The following XKR9 variants were observed in gnomAD, a reference collection of about 807,000 sequenced individuals.
XKR9 encodes the protein XK related 9.
Under a neutral mutation model 32.0 loss-of-function variants are expected in XKR9, and 32 were observed. The observed-to-expected ratio is 1.00, with a 90% CI of 0.76 to 1.34. The LOEUF is 1.34. Ranked by LOEUF, XKR9 falls within the 40% of genes most tolerant of loss-of-function variation. XKR9 has a pLI of 0.00. For synonymous variants in XKR9, 168 were observed against 143.4 expected (o/e 1.17, Z -1.22); for missense variants, 546 against 429.7 (o/e 1.27, Z -2.39).
At position 70,687,312 on chromosome 8, in the gene XKR9, C is replaced by CTCCTTCTT. The variant is rs751381873; in HGVS notation, c.272+5984_272+5985insCTTCTTTC. ...ATGACAGGATTTCTTTCTCTCCTCC[C>CTCCTTCTT]TCTTTCTTTCTTTCTTTCTTTCTTT... is the stretch of plus-strand genomic sequence containing the variant. On this transcript the variant is annotated intron_variant, in intron 3 of 4. Coordinates refer to ENST00000408926, the MANE Select transcript of XKR9 (RefSeq NM_001011720.2). Among the ~76,000 whole-genome samples the CTCCTTCTT allele has an allele frequency of 4.1e-4, 57 of 138,356 alleles. No homozygotes were observed. The Middle Eastern group carries it at 0.018, about 43-fold the overall frequency. The allele number at this position is 138,356 out of a possible 152,430, so 90.8% of individuals were successfully genotyped here.
chr8:70,978,059 C>T, the XKR9 span, among the ~76,000 whole-genome samples: 1 of 152,088 alleles, frequency 6.6e-6, no homozygotes, highest in Admixed American at 6.6e-5. Context: ...GATTGCAACC[C>T]ATGCTTTTTT....
At chr8:70,997,534 G>A in the XKR9 span, among the ~76,000 whole-genome samples, 1 of 151,078 alleles carries the variant, frequency 6.6e-6, no homozygotes, top group Non-Finnish European at 1.5e-5. Flanking sequence ...AACATTGTAT[G>A]TTCTCACTCA....
chr8:70,948,841 G>C, the XKR9 span, among the ~76,000 whole-genome samples: 24 of 152,228 alleles, frequency 1.6e-4, no homozygotes, highest in Admixed American at 1.5e-3. Flanking sequence ...CAGGACAAAG[G>C]GTAATGTGGT....
chr8:70,696,659 G>T (rs1382053894), intron 3 of XKR9, among the ~76,000 whole-genome samples: 1 of 141,378 alleles, frequency 7.1e-6, no homozygotes, highest in Non-Finnish European at 1.6e-5. Context: ...TTGACTCGGC[G>T]ATGCGGGCTC....
the XKR9 span, among the ~76,000 whole-genome samples, chr8:70,892,642 G>T: frequency 1.3e-5 from 2 of 152,072 alleles, no homozygotes; most frequent in Admixed American, 1.3e-4. Context: ...TTTTCTTTCA[G>T]CAATTTGAAT....
chr8:70,971,372 G>A, the XKR9 span, among the ~76,000 whole-genome samples: 44,799 of 151,710 alleles, frequency 0.3, 8,577 homozygotes, highest in Non-Finnish European at 0.43. Flanking sequence ...GTCCTTTGTT[G>A]GATGTGTAGA....
At chr8:70,801,684 G>A in the XKR9 span, among the ~76,000 whole-genome samples, 1 of 152,026 alleles carries the variant, frequency 6.6e-6, no homozygotes, top group African/African-American at 2.4e-5. Flanking sequence ...AGGCCCATTT[G>A]GTCATACATC....
the XKR9 span, among the ~76,000 whole-genome samples, chr8:71,058,673 C>A: frequency 6.6e-6 from 1 of 152,232 alleles, no homozygotes; most frequent in East Asian, 1.9e-4. Flanking sequence ...GTTTGTTGGC[C>A]CTAATCCAAT....
At chr8:70,809,424 A>C in the XKR9 span, among the ~76,000 whole-genome samples, 1 of 152,248 alleles carries the variant, frequency 6.6e-6, no homozygotes, top group Non-Finnish European at 1.5e-5. Flanking sequence ...CCTCACCAGC[A>C]AAGCTCAAAG....
chr8:70,862,114 G>GTCAT, the XKR9 span, among the ~76,000 whole-genome samples: 16 of 152,190 alleles, frequency 1.1e-4, no homozygotes, highest in Non-Finnish European at 2.4e-4. Flanking sequence ...CTGAGAAGCA[G>GTCAT]TCATGGATGC....
At chr8:70,895,313 C>T in the XKR9 span, among the ~76,000 whole-genome samples, 1,529 of 152,190 alleles carry the variant, frequency 0.01, 24 homozygotes, top group African/African-American at 0.035. Flanking sequence ...CAGATGCACT[C>T]CAGCACTCTC....
chr8:70,959,209 A>G, the XKR9 span, among the ~76,000 whole-genome samples: 9 of 152,216 alleles, frequency 5.9e-5, no homozygotes, highest in Admixed American at 5.9e-4. Context: ...AGTGTATTAT[A>G]TGGAAAGTGG....
At chr8:70,724,505 C>T (rs552227569) in intron 4 of XKR9, among the ~76,000 whole-genome samples, 1 of 152,122 alleles carries the variant, frequency 6.6e-6, no homozygotes, top group South Asian at 2.1e-4. Flanking sequence ...CTTGAAACCC[C>T]AGGGCCCTGG....
intron 4 of XKR9, among the ~76,000 whole-genome samples, chr8:70,714,228 T>C (rs758241187): frequency 3.9e-5 from 6 of 152,126 alleles, no homozygotes; most frequent in Non-Finnish European, 5.9e-5. Context: ...TGTCAAAATA[T>C]AGTCACATTG....
chr8:70,985,261 T>C, the XKR9 span, among the ~76,000 whole-genome samples: 1 of 152,214 alleles, frequency 6.6e-6, no homozygotes, highest in Non-Finnish European at 1.5e-5. Flanking sequence ...ACATGCAGTG[T>C]TTAGTTTTCT....
chr8:70,765,560 G>A (rs1412018749), intron 2 of XKR9, among the ~76,000 whole-genome samples: 3 of 152,080 alleles, frequency 2.0e-5, no homozygotes, highest in Admixed American at 6.6e-5. Flanking sequence ...TTCCTGTTCT[G>A]TAGGTTGCCT....
Position 70,698,100 on chromosome 8 carries a change from G to A in XKR9, c.273-8833G>A, listed in dbSNP as rs1325203797. 1.2e-4 allele frequency among the ~76,000 whole-genome samples: 17 copies of A among 144,570 alleles called. No homozygotes were observed. In the East Asian group the frequency reaches 2.8e-3, roughly 23 times the overall value. The allele number at this position is 144,570 out of a possible 152,430, so 94.8% of individuals were successfully genotyped here. A position where few individuals can be genotyped will look rare whatever the true frequency, so the allele number is the denominator to read the frequency against. ...TTTCTTCTTTATTAGTCTTGCTAGC[G>A]GTCTATCAATTTTGTTGATCCTTTC... On this transcript the variant is annotated intron_variant, in intron 3 of 4. Coordinates refer to ENST00000408926, the MANE Select transcript of XKR9 (RefSeq NM_001011720.2).
intron 1 of XKR9, among the ~76,000 whole-genome samples, chr8:70,671,747 G>T (rs1818723017): frequency 9.4e-6 from 1 of 105,904 alleles, no homozygotes; most frequent in Non-Finnish European, 2.3e-5. Flanking sequence ...TGGACATTTG[G>T]GTTGGTTCCA....
At chr8:70,965,148 T>C in the XKR9 span, among the ~76,000 whole-genome samples, 2 of 152,222 alleles carry the variant, frequency 1.3e-5, no homozygotes, top group Admixed American at 1.3e-4. Flanking sequence ...TGAGAGTTTT[T>C]AACATGAAGG....
Sources: allele counts gnomAD v4.1 joint callset (sites outside exome capture counted in the v4.1 genomes callset), GRCh38; gene constraint gnomAD v4.1.1; transcripts MANE v1.5; gene names NCBI Gene and HGNC (gene_info 2026-07-23, HGNC 2026-07-21).